The following SLC27A1 variants were observed in gnomAD, a reference collection of about 807,000 sequenced individuals.
SLC27A1 encodes long-chain fatty acid transport protein 1.
Under a neutral mutation model 62.2 loss-of-function variants are expected in SLC27A1, and 61 were observed. That is an observed-to-expected ratio of 0.98 (90% CI 0.80 to 1.21). The LOEUF (loss-of-function observed/expected upper bound fraction) is 1.21. Ranked by LOEUF, SLC27A1 falls within the 50% of genes most tolerant of loss-of-function variation. The probability of loss-of-function intolerance (pLI) is 0.00; values close to 1 mark genes in which losing one functional copy is unlikely to be tolerated. For synonymous variants in SLC27A1, 435 were observed against 408.6 expected (o/e 1.06, Z -0.78); for missense variants, 903 against 932.1 (o/e 0.97, Z 0.41).
chr19:17,485,199 T>TC (rs199808428), intron 1 of SLC27A1, among the ~76,000 whole-genome samples: 47,829 of 144,140 alleles, frequency 0.33, 8,470 homozygotes, highest in African/African-American at 0.4. Context: ...TCCTTTTTTT[T>TC]TTTTTTTTTT....
intron 1 of SLC27A1, among the ~76,000 whole-genome samples, chr19:17,484,537 T>C (rs746825683): frequency 2.4e-4 from 37 of 151,782 alleles, no homozygotes; most frequent in Non-Finnish European, 5.2e-4. Context: ...CAGTAAGCCA[T>C]GATCATGGAC....
chr19:17,502,412 C>T (rs1390585117), intron 11 of SLC27A1, among the ~76,000 whole-genome samples: 5 of 116,292 alleles, frequency 4.3e-5, no homozygotes, highest in South Asian at 3.1e-4. Context: ...AGTGCAGTGG[C>T]GTGATCTTGG....
intron 1 of SLC27A1, among the ~76,000 whole-genome samples, chr19:17,481,550 C>T (rs1299044545): frequency 1.3e-5 from 2 of 152,114 alleles, no homozygotes; most frequent in Non-Finnish European, 2.9e-5. Flanking sequence ...ATAACCTAGG[C>T]TGGAGTGCAG....
At position 17,487,011 on chromosome 19, in the gene SLC27A1, C is replaced by T. The variant is rs774409846; in HGVS notation, c.562+54C>T. 125 of 1,519,170 alleles carry T rather than the reference C, an allele frequency of 8.2e-5. No individual in the cohort carries two copies. The East Asian group carries it at 2.7e-3, about 33-fold the overall frequency. The allele number at this position is 1,519,170 out of a possible 1,614,324, so 94.1% of individuals were successfully genotyped here. A position where few individuals can be genotyped will look rare whatever the true frequency, so the allele number is the denominator to read the frequency against. On this transcript the variant is annotated intron_variant, in intron 2 of 11. Coordinates refer to ENST00000252595, the MANE Select transcript of SLC27A1 (RefSeq NM_198580.3). ...CGGGGACCCAGGACTGGCCCCTGGG[C>T]GGGCGGGGAGATGCTGCGCCCCAGG...
At chr19:17,492,663 C>T (rs1029290766) in intron 6 of SLC27A1, among the ~76,000 whole-genome samples, 17 of 147,862 alleles carry the variant, frequency 1.1e-4, no homozygotes, top group Middle Eastern at 3.9e-3. Context: ...CGGGGCCGGG[C>T]GCAGTGTCTT....
At position 17,495,569 on chromosome 19, in the gene SLC27A1, AC is replaced by A. The variant is rs532325187; in HGVS notation, c.997-1682del. ...AGTGCTGGGATTACAGGCTTGAGCC[AC>A]CCCGCCTGGCCGTGCCCATTCTTAA... is the stretch of plus-strand genomic sequence containing the variant. On this transcript the variant is annotated intron_variant, in intron 6 of 11. Coordinates refer to ENST00000252595, the MANE Select transcript of SLC27A1 (RefSeq NM_198580.3). 5.4e-3 allele frequency: 823 copies of A among 152,412 alleles called. 8 individuals are homozygous for A. Among genetic ancestry groups the A allele is most frequent in the African/African-American group, 0.018 (763 of 41,450 alleles). The allele number at this position is 152,412 out of a possible 1,614,324, so 9.4% of individuals were successfully genotyped here. A position where few individuals can be genotyped will look rare whatever the true frequency, so the allele number is the denominator to read the frequency against.
intron 6 of SLC27A1, among the ~76,000 whole-genome samples, chr19:17,491,359 T>G (rs1296412015): frequency 6.7e-6 from 1 of 148,784 alleles, no homozygotes; most frequent in African/African-American, 2.4e-5. Flanking sequence ...TTCTGCTTCC[T>G]GCCTCTATGA....
chr19:17,502,958 G>C (rs1488723467), intron 11 of SLC27A1, among the ~76,000 whole-genome samples: 1 of 152,132 alleles, frequency 6.6e-6, no homozygotes, highest in East Asian at 1.9e-4. Context: ...AGGTTTAATG[G>C]AACTCACAGT....
At chr19:17,502,248 C>A (rs1391664268) in intron 11 of SLC27A1, among the ~76,000 whole-genome samples, 1 of 151,660 alleles carries the variant, frequency 6.6e-6, no homozygotes, top group Non-Finnish European at 1.5e-5. Context: ...GCACTGTGGG[C>A]TCTCACGGGT....
chr19:17,469,425 T>G, upstream of SLC27A1, among the ~76,000 whole-genome samples: 1 of 150,694 alleles, frequency 6.6e-6, no homozygotes, highest in Admixed American at 6.6e-5. Context: ...ATATTTTTGG[T>G]CCCCCGGGGT....
At position 17,488,903 on chromosome 19, in the gene SLC27A1, G is replaced by A. The variant is rs1424028270; in HGVS notation, c.850G>A (p.Val284Met). The change falls in exon 5 of 12, where the codon GTG (valine) becomes ATG (methionine). Residue 284 changes from valine to methionine, a missense_variant. Coordinates refer to ENST00000252595, the MANE Select transcript of SLC27A1 (RefSeq NM_198580.3). ...HHAYRMQAADVLYDCLPLYHS... is the reference protein window; with the variant it reads ...HHAYRMQAADMLYDCLPLYHS... ...CGCCTACCGCATGCAGGCGGCTGAC[G>A]TGCTCTATGACTGCCTGCCCCTGTA... is the stretch of plus-strand genomic sequence containing the variant. The A allele has an allele frequency of 6.2e-7, 1 of 1,614,086 alleles. No individual in the cohort carries two copies. The highest frequency in any genetic ancestry group is 1.7e-5 in the Admixed American group (1 of 60,012).
upstream of SLC27A1, among the ~76,000 whole-genome samples, chr19:17,469,822 G>A (rs1043658094): frequency 6.6e-6 from 1 of 151,222 alleles, no homozygotes; most frequent in African/African-American, 2.4e-5. Context: ...TGGGAACTTG[G>A]GCTAGGCCCG....
intron 7 of SLC27A1, chr19:17,497,774 T>C (rs768397821): frequency 3.3e-5 from 13 of 390,356 alleles, no homozygotes; most frequent in Non-Finnish European, 5.6e-5. Flanking sequence ...GTGTGGAGAT[T>C]AGCAAGGAGA....
chr19:17,484,559 C>G (rs1281073670), intron 1 of SLC27A1, among the ~76,000 whole-genome samples: 1 of 151,066 alleles, frequency 6.6e-6, no homozygotes, highest in South Asian at 2.1e-4. Flanking sequence ...CTAGTCTGGG[C>G]GACAGAGTGA....
Position 17,486,358 on chromosome 19 carries a change from G to A in SLC27A1, c.168-205G>A, listed in dbSNP as rs994128409. Among the ~76,000 whole-genome samples, 1 of 152,172 alleles carries A rather than the reference G, an allele frequency of 6.6e-6. No homozygotes were observed. Among genetic ancestry groups the A allele is most frequent in the African/African-American group, 2.4e-5 (1 of 41,440 alleles). ...GAGGACAGGGTGACTGGTTTATTAC[G>A]CTTTGAGAATCTACCTTCTTCCTGG... On this transcript the variant is annotated intron_variant, in intron 1 of 11. Coordinates refer to ENST00000252595, the MANE Select transcript of SLC27A1 (RefSeq NM_198580.3). This position sits in a 1 kb window ranked among gnomAD's most constrained non-coding sequence, Gnocchi z 6.6.
At chr19:17,471,787 C>T (rs571427810) in intron 1 of SLC27A1, among the ~76,000 whole-genome samples, 2 of 152,238 alleles carry the variant, frequency 1.3e-5, no homozygotes, top group East Asian at 3.9e-4. Context: ...CCCCTGCCCC[C>T]GGCTCCTTGG....
intron 1 of SLC27A1, among the ~76,000 whole-genome samples, chr19:17,473,778 C>T (rs1046637817): frequency 2.6e-5 from 4 of 152,156 alleles, no homozygotes; most frequent in Non-Finnish European, 5.9e-5. Flanking sequence ...AAGACAATCA[C>T]TTGAACCTGG....
intron 1 of SLC27A1, among the ~76,000 whole-genome samples, chr19:17,471,536 A>T (rs1476526939): frequency 6.6e-6 from 1 of 151,984 alleles, no homozygotes; most frequent in Non-Finnish European, 1.5e-5. Context: ...TTCTGGGATG[A>T]AACAGGCATT....
intron 1 of SLC27A1, among the ~76,000 whole-genome samples, chr19:17,476,996 C>G (rs1786293581): frequency 6.9e-6 from 1 of 145,594 alleles, no homozygotes; most frequent in Admixed American, 7.3e-5. Context: ...TCAAACAATT[C>G]TTATGGCTCA....
Sources: gnomAD v4.1 joint callset for allele counts (sites outside exome capture counted in the v4.1 genomes callset) on GRCh38, gnomAD v4.1.1 for gene constraint, Gnocchi (gnomAD v3.1) non-coding constraint, MANE v1.5 for transcripts, NCBI Gene and HGNC (gene_info 2026-07-23, HGNC 2026-07-21) for gene names.